The following UTRN variants were observed in gnomAD, a reference collection of about 807,000 sequenced individuals.
UTRN encodes utrophin, also known as dystrophin-related protein 1.
In UTRN, 283 loss-of-function variants were observed where a neutral mutation model predicts 463.9. The observed-to-expected ratio is 0.61, with a 90% CI of 0.55 to 0.67. The LOEUF is 0.67. Among genes scored for constraint, UTRN ranks in the 30% least tolerant of loss-of-function variants. The probability of loss-of-function intolerance (pLI) is 0.00; values close to 1 mark genes in which losing one functional copy is unlikely to be tolerated. For synonymous variants in UTRN, 1,442 were observed against 1,431.5 expected (o/e 1.01, Z -0.17); for missense variants, 3,922 against 4,084.3 (o/e 0.96, Z 1.08).
At chr6:144,557,056 G>C (rs926341008) in intron 49 of UTRN, 101 bp from the exon 50 acceptor site, 2 of 1,414,972 alleles carry the variant, frequency 1.4e-6, no homozygotes, top group Non-Finnish European at 1.9e-6. Flanking sequence ...TGTGATATCT[G>C]TATCTAAAGC....
intron 5 of UTRN, 77 bp from the exon 6 acceptor site, chr6:144,423,908 TA>T: frequency 6.9e-7 from 1 of 1,453,456 alleles, no homozygotes. Flanking sequence ...CCAAATGTGC[TA>T]AAATAAAAAC....
intron 51 of UTRN, among the ~76,000 whole-genome samples, chr6:144,647,346 G>A (rs188931230): frequency 1.2e-3 from 189 of 152,310 alleles, no homozygotes; most frequent in Non-Finnish European, 2.0e-3. Context: ...AATCTGAAAA[G>A]AAACTTAGGT....
At chr6:144,828,891 G>T (rs1209010976) in intron 69 of UTRN, 36 bp downstream of exon 69, 6 of 1,606,628 alleles carry the variant, frequency 3.7e-6, no homozygotes, top group Non-Finnish European at 5.1e-6. Flanking sequence ...GCCTGGGAAG[G>T]CTAGTTCTTG....
intron 3 of UTRN, among the ~76,000 whole-genome samples, chr6:144,405,702 A>G (rs1258360272): frequency 2.0e-5 from 3 of 152,204 alleles, no homozygotes; most frequent in Non-Finnish European, 1.5e-5. Flanking sequence ...AATTTGTTTT[A>G]AAACAGACAT....
At chr6:144,693,039 G>A (rs149657646) in intron 52 of UTRN, among the ~76,000 whole-genome samples, 5,112 of 151,692 alleles carry the variant, frequency 0.034, 302 homozygotes, top group African/African-American at 0.12. Flanking sequence ...TTACATTTAA[G>A]TATTTAATCC....
chr6:144,481,362 A>G (rs903949108), intron 26 of UTRN, among the ~76,000 whole-genome samples: 49 of 152,236 alleles, frequency 3.2e-4, no homozygotes, highest in Non-Finnish European at 7.4e-5. Context: ...CAGATTGTTT[A>G]TCTTAGCACT....
At chr6:144,746,476 T>TTTTTTA (rs1278506342) in intron 54 of UTRN, among the ~76,000 whole-genome samples, 2 of 152,114 alleles carry the variant, frequency 1.3e-5, no homozygotes, top group African/African-American at 4.8e-5. Flanking sequence ...ATTCACTTAT[T>TTTTTTA]TTTTTATTTT....
chr6:144,613,999 C>T (rs1805801535), intron 51 of UTRN, among the ~76,000 whole-genome samples: 1 of 152,078 alleles, frequency 6.6e-6, no homozygotes, highest in Admixed American at 6.6e-5. Context: ...CCTCCTCTCA[C>T]CTGTGACTGT....
intron 52 of UTRN, among the ~76,000 whole-genome samples, chr6:144,694,276 G>C (rs1783749684): frequency 7.2e-6 from 1 of 138,044 alleles, no homozygotes; most frequent in Non-Finnish European, 1.6e-5. Flanking sequence ...ATGTGCTGCT[G>C]GATTCGGTTT....
At chr6:144,666,171 G>T (rs1321272813) in intron 51 of UTRN, among the ~76,000 whole-genome samples, 1 of 152,298 alleles carries the variant, frequency 6.6e-6, no homozygotes, top group East Asian at 1.9e-4. Flanking sequence ...CCACATCAGG[G>T]TCATGATCTG....
chr6:144,521,953 A>ATT lies in UTRN; in HGVS notation c.5542-26_5542-25insTT, dbSNP rs200015334. The ATT allele has an allele frequency of 1.1e-3, 1,173 of 1,035,234 alleles. 1 individual carries two copies. The highest frequency in any genetic ancestry group is 3.0e-3 in the Middle Eastern group (8 of 2,666). The allele number at this position is 1,035,234 out of a possible 1,614,324, so 64.1% of individuals were successfully genotyped here. ...TTTTAAGAGATATATATATATATAT[A>ATT]TATTTTTTTTTTTGCTGTTTTTGTA... On this transcript the variant is annotated intron_variant, in intron 39 of 74. Transcript: ENST00000367545.
At chr6:144,667,180 G>A (rs1490411087) in intron 51 of UTRN, among the ~76,000 whole-genome samples, 14 of 151,674 alleles carry the variant, frequency 9.2e-5, no homozygotes, top group African/African-American at 2.4e-4. Context: ...TCAGCCTCCC[G>A]AGTAGCTGGG....
chr6:144,678,016 A>G (rs528583477), intron 51 of UTRN, among the ~76,000 whole-genome samples: 3 of 152,296 alleles, frequency 2.0e-5, no homozygotes, highest in African/African-American at 7.2e-5. Context: ...TCAGATGGAT[A>G]GATTGCAGAA....
chr6:144,819,680 G>A (rs760966451), intron 65 of UTRN, among the ~76,000 whole-genome samples: 4 of 152,068 alleles, frequency 2.6e-5, no homozygotes, highest in Admixed American at 6.6e-5. Flanking sequence ...GCAACAGAGC[G>A]AGACTCTGTC....
In UTRN at chr6:144,507,552, G is replaced by C. The variant is rs376653572; in HGVS notation, c.4765-3392G>C. On this transcript the variant is annotated intron_variant, in intron 34 of 74. Coordinates refer to ENST00000367545, the MANE Select transcript of UTRN (RefSeq NM_007124.3). ...TGCAGGTCTGCTGGAGTTTGCTGGA[G>C]GTCCACCCCAGACCTGTTTGCCTGG... is the stretch of plus-strand genomic sequence containing the variant. 5.3e-4 allele frequency among the ~76,000 whole-genome samples: 81 copies of C among 152,226 alleles called. 2 individuals are homozygous for C. In the South Asian group the frequency reaches 0.016, roughly 30 times the overall value.
chr6:144,617,354 T>C (rs1035886147), intron 51 of UTRN, among the ~76,000 whole-genome samples: 1 of 152,214 alleles, frequency 6.6e-6, no homozygotes, highest in Non-Finnish European at 1.5e-5. Flanking sequence ...AATTAACTAT[T>C]CTGAAACCAT....
intron 51 of UTRN, among the ~76,000 whole-genome samples, chr6:144,606,568 C>G (rs1264061518): frequency 6.6e-6 from 1 of 152,024 alleles, no homozygotes; most frequent in Middle Eastern, 3.2e-3. Context: ...TTTCTCAGAC[C>G]TTCTCTCAAA....
At chr6:144,482,088 C>T in intron 26 of UTRN, 121 bp from the exon 27 acceptor site, 2 of 800,828 alleles carry the variant, frequency 2.5e-6, no homozygotes, top group Non-Finnish European at 3.5e-6. Context: ...TCTATTTTGG[C>T]AGTTAGAATC....
chr6:144,823,140 C>T (rs991264021), intron 66 of UTRN, among the ~76,000 whole-genome samples: 1 of 152,006 alleles, frequency 6.6e-6, no homozygotes, highest in African/African-American at 2.4e-5. Context: ...CGCCTCAATT[C>T]ATTCAATTGA....
Sources: gnomAD v4.1 joint callset for allele counts (sites outside exome capture counted in the v4.1 genomes callset) on GRCh38, gnomAD v4.1.1 for gene constraint, MANE v1.5 for transcripts, NCBI Gene and HGNC (gene_info 2026-07-23, HGNC 2026-07-21) for gene names.